Variants in SLC2A9 observed in about 807,000 individuals in gnomAD.
SLC2A9 encodes solute carrier family 2 member 9, also known as solute carrier family 2, facilitated glucose transporter member 9.
In SLC2A9, 39 loss-of-function variants were observed where a neutral mutation model predicts 50.6. The ratio of observed to expected loss-of-function variants is 0.77; its 90% CI spans 0.60 to 1.01. The LOEUF is 1.01. Among genes scored for constraint, SLC2A9 ranks in the 50% least tolerant of loss-of-function variants. The probability of loss-of-function intolerance (pLI) is 0.00; values close to 1 mark genes in which losing one functional copy is unlikely to be tolerated. For missense variants in SLC2A9, 686 were observed against 677.6 expected (o/e 1.01, Z -0.14); for synonymous variants, 324 against 276.9 (o/e 1.17, Z -1.69).
intron 10 of SLC2A9, among the ~76,000 whole-genome samples, chr4:9,844,294 C>T (rs1236486310): frequency 6.6e-6 from 1 of 151,940 alleles, no homozygotes; most frequent in African/African-American, 2.4e-5. Flanking sequence ...TCTCTCCTTC[C>T]CCCACTCATT....
chr4:9,963,311 G>A (rs1309627363), intron 5 of SLC2A9, among the ~76,000 whole-genome samples: 1 of 152,176 alleles, frequency 6.6e-6, no homozygotes, highest in East Asian at 1.9e-4. Flanking sequence ...ACAATGCAAG[G>A]TGAGATTTGG....
intron 8 of SLC2A9, among the ~76,000 whole-genome samples, chr4:9,907,961 G>A (rs1045203706): frequency 3.3e-5 from 5 of 152,182 alleles, no homozygotes; most frequent in African/African-American, 1.2e-4. Flanking sequence ...AGTGTTGCCT[G>A]CCCCGGAGGT....
intron 8 of SLC2A9, among the ~76,000 whole-genome samples, chr4:9,897,374 C>A (rs1738745749): frequency 6.6e-6 from 1 of 152,080 alleles, no homozygotes; most frequent in Non-Finnish European, 1.5e-5. Flanking sequence ...GGCTGAATTG[C>A]ATTCTCTCAA....
intron 2 of SLC2A9, among the ~76,000 whole-genome samples, chr4:10,002,055 C>T (rs958417962): frequency 8.5e-5 from 13 of 152,202 alleles, no homozygotes; most frequent in African/African-American, 2.9e-4. Context: ...AGAGGGAGCT[C>T]TGGTGGGATT....
At chr4:9,934,753 C>T (rs959938863) in intron 6 of SLC2A9, among the ~76,000 whole-genome samples, 8 of 152,278 alleles carry the variant, frequency 5.3e-5, no homozygotes, top group African/African-American at 1.9e-4. Flanking sequence ...ATCAACCTGT[C>T]GTCTAGGTTT....
rs1560305716 is a variant in SLC2A9 at position 9,920,488 on chromosome 4, CG to C, written c.898del (p.Arg300AlafsTer9). The C allele has an allele frequency of 1.2e-6, 2 of 1,614,162 alleles. No homozygotes were observed. Among genetic ancestry groups the C allele is most frequent in the Admixed American group, 1.7e-5 (1 of 60,024 alleles). On this transcript the variant is annotated frameshift_variant, in exon 7 of 12. Coordinates refer to ENST00000264784, the MANE Select transcript of SLC2A9 (RefSeq NM_020041.3). LOFTEE classifies it high-confidence loss of function. The part of the protein sequence containing the change: ...LAESRVQRSI[R>X]LVSVLELLRA... ...CAGCAGCTCCAGCACGGACACCAGG[CG>C]GATGCTCCTCTGCACGCGGCTCTCA...
At chr4:10,027,433 G>A (rs993175631) in intron 1 of SLC2A9, among the ~76,000 whole-genome samples, 2 of 152,098 alleles carry the variant, frequency 1.3e-5, no homozygotes, top group Non-Finnish European at 2.9e-5. Context: ...CGATCCCAAA[G>A]AGAACTCACT....
At chr4:9,942,105 G>A (rs1748266925) in intron 5 of SLC2A9, 60 bp from the exon 6 acceptor site, 1 of 1,608,984 alleles carries the variant, frequency 6.2e-7, no homozygotes. Flanking sequence ...GAGGGGACTG[G>A]GCCACTGGAC....
At chr4:10,026,156 G>A (rs1763744644), upstream of SLC2A9, 1 of 617,392 alleles carries the variant, frequency 1.6e-6, no homozygotes, top group Non-Finnish European at 2.9e-6. Context: ...TCCTCGCTTG[G>A]GCATCTCCCT....
intron 10 of SLC2A9, among the ~76,000 whole-genome samples, chr4:9,865,412 G>A (rs1295569211): frequency 2.0e-5 from 3 of 152,146 alleles, no homozygotes; most frequent in African/African-American, 7.2e-5. Flanking sequence ...CATCCTTTTG[G>A]TGGGTTTGTG....
intron 6 of SLC2A9, among the ~76,000 whole-genome samples, chr4:9,921,772 A>C (rs1264753996): frequency 6.6e-6 from 1 of 152,260 alleles, no homozygotes; most frequent in Non-Finnish European, 1.5e-5. Flanking sequence ...TGTTTCATGC[A>C]TTAAGTATAA....
chr4:10,016,071 T>C (rs1174595979), intron 2 of SLC2A9, among the ~76,000 whole-genome samples: 1 of 152,142 alleles, frequency 6.6e-6, no homozygotes, highest in Admixed American at 6.5e-5. Context: ...AAAGTATGCA[T>C]GACGAGCCGT....
chr4:9,986,650 C>T (rs180738026), intron 3 of SLC2A9, among the ~76,000 whole-genome samples: 50 of 142,492 alleles, frequency 3.5e-4, no homozygotes, highest in Admixed American at 2.1e-3. Context: ...CATAAAATAA[C>T]AATACTCCTC....
intron 10 of SLC2A9, among the ~76,000 whole-genome samples, chr4:9,849,338 G>C (rs1242266700): frequency 6.6e-6 from 1 of 152,184 alleles, no homozygotes; most frequent in African/African-American, 2.4e-5. Context: ...AGAAACAAAA[G>C]GGAAGTTGTT....
chr4:9,831,412 G>C (rs1162977472), intron 11 of SLC2A9, among the ~76,000 whole-genome samples: 2 of 152,200 alleles, frequency 1.3e-5, no homozygotes, highest in Non-Finnish European at 2.9e-5. Flanking sequence ...ACATGGTTGT[G>C]CTTTGGTCAA....
At chr4:9,811,389 C>T (rs1453398934) in intron 3 of SLC2A9, among the ~76,000 whole-genome samples, 1 of 152,208 alleles carries the variant, frequency 6.6e-6, no homozygotes, top group Non-Finnish European at 1.5e-5. Flanking sequence ...AGTTCTCAGC[C>T]TTGAGAGGCC....
At chr4:9,900,267 G>A (rs1194703244) in intron 8 of SLC2A9, among the ~76,000 whole-genome samples, 2 of 152,148 alleles carry the variant, frequency 1.3e-5, no homozygotes, top group African/African-American at 2.4e-5. Context: ...CCTTTGGTGA[G>A]TGAAGCTGGT....
intron 10 of SLC2A9, among the ~76,000 whole-genome samples, chr4:9,877,068 T>C (rs1303666687): frequency 6.6e-6 from 1 of 152,188 alleles, no homozygotes; most frequent in African/African-American, 2.4e-5. Context: ...TCCGGAGGAT[T>C]AGAAAGCAAT....
At chr4:9,925,613 A>G (rs1744751901) in intron 6 of SLC2A9, among the ~76,000 whole-genome samples, 1 of 152,184 alleles carries the variant, frequency 6.6e-6, no homozygotes, top group African/African-American at 2.4e-5. Flanking sequence ...AATAAAATCA[A>G]TGTGTGTTAA....
Sources: gnomAD v4.1 joint callset for allele counts (sites outside exome capture counted in the v4.1 genomes callset) on GRCh38, gnomAD v4.1.1 for gene constraint, MANE v1.5 for transcripts, NCBI Gene and HGNC (gene_info 2026-07-23, HGNC 2026-07-21) for gene names.